The following LRMDA variants were observed in gnomAD, a reference collection of about 807,000 sequenced individuals.
LRMDA encodes leucine rich melanocyte differentiation associated, also known as leucine-rich melanocyte differentiation-associated protein.
In LRMDA, 18 loss-of-function variants were observed where a neutral mutation model predicts 29.8. The ratio of observed to expected loss-of-function variants is 0.60; its 90% CI spans 0.42 to 0.90. LRMDA has a LOEUF of 0.90. Ranked by LOEUF, LRMDA falls within the 40% of genes least tolerant of loss-of-function variation. The pLI is 0.00. For missense variants in LRMDA, 273 were observed against 273.9 expected (o/e 1.00, Z 0.02); for synonymous variants, 125 against 109.4 (o/e 1.14, Z -0.89).
intron 5 of LRMDA, among the ~76,000 whole-genome samples, chr10:76,172,680 C>T (rs1352730435): frequency 6.6e-6 from 1 of 152,126 alleles, no homozygotes; most frequent in Non-Finnish European, 1.5e-5. Flanking sequence ...AGTGCTGTTG[C>T]CACCAGCTGG....
At chr10:76,303,881 G>A (rs747648503) in intron 5 of LRMDA, among the ~76,000 whole-genome samples, 20 of 152,020 alleles carry the variant, frequency 1.3e-4, no homozygotes, top group Non-Finnish European at 2.4e-4. Context: ...TCTGCAGCTC[G>A]GGAGACACTC....
intron 2 of LRMDA, among the ~76,000 whole-genome samples, chr10:75,726,184 G>C (rs1038500613): frequency 2.0e-5 from 3 of 152,172 alleles, no homozygotes; most frequent in African/African-American, 7.2e-5. Flanking sequence ...CTGTTAACTG[G>C]GGAGACACAT....
intron 2 of LRMDA, among the ~76,000 whole-genome samples, chr10:75,448,708 A>G (rs1844422009): frequency 6.6e-6 from 1 of 152,222 alleles, no homozygotes; most frequent in Non-Finnish European, 1.5e-5. Flanking sequence ...CTGTTGAGAA[A>G]GACCTCTGGG....
intron 6 of LRMDA, among the ~76,000 whole-genome samples, chr10:76,491,145 T>A (rs1842830373): frequency 6.6e-6 from 1 of 151,968 alleles, no homozygotes; most frequent in Non-Finnish European, 1.5e-5. Flanking sequence ...CTTGAAAAGT[T>A]GTTGTAGTTA....
chr10:76,138,434 A>T (rs1174670998), intron 5 of LRMDA, among the ~76,000 whole-genome samples: 1 of 152,042 alleles, frequency 6.6e-6, no homozygotes, highest in Admixed American at 6.5e-5. Flanking sequence ...CTTCACTATA[A>T]ATAAACCTAC....
chr10:76,427,668 C>A (rs1286374327), intron 6 of LRMDA, among the ~76,000 whole-genome samples: 2 of 152,170 alleles, frequency 1.3e-5, no homozygotes, highest in African/African-American at 4.8e-5. Context: ...GAGAGGGCAT[C>A]CCTGTCTTGT....
intron 2 of LRMDA, among the ~76,000 whole-genome samples, chr10:75,534,395 C>T (rs1839918124): frequency 6.6e-6 from 1 of 152,000 alleles, no homozygotes; most frequent in African/African-American, 2.4e-5. Context: ...AAAATGCTAC[C>T]ATTGAATTGG....
rs185923881 is a variant in LRMDA at position 76,084,689 on chromosome 10, A to G, written c.516+25906A>G. The stretch of plus-strand genomic sequence containing the variant: ...AGGTTAAAAATGATATATGTAAAGT[A>G]TCTGGCACTTAGTAGTAGGTTAGTA... On this transcript the variant is annotated intron_variant, in intron 5 of 6. Transcript: ENST00000611255. Among the ~76,000 whole-genome samples, 321 of 152,304 alleles carry G rather than the reference A, an allele frequency of 2.1e-3. 2 individuals carry two copies. The highest frequency in any genetic ancestry group is 7.1e-3 in the African/African-American group (297 of 41,564).
At chr10:76,374,738 A>G (rs971623958) in intron 6 of LRMDA, among the ~76,000 whole-genome samples, 2 of 152,146 alleles carry the variant, frequency 1.3e-5, no homozygotes, top group East Asian at 3.8e-4. Context: ...CAGCAGGGGA[A>G]GTTTTGGGTA....
chr10:76,322,526 C>G (rs889351371), intron 5 of LRMDA, among the ~76,000 whole-genome samples: 12 of 152,124 alleles, frequency 7.9e-5, no homozygotes, highest in Admixed American at 3.3e-4. Flanking sequence ...ATTTTTTGCT[C>G]TACCTACAGT....
intron 5 of LRMDA, among the ~76,000 whole-genome samples, chr10:76,257,716 T>C (rs889763826): frequency 1.3e-5 from 2 of 152,218 alleles, no homozygotes; most frequent in Non-Finnish European, 2.9e-5. Context: ...TTTAATACTT[T>C]ATCAATTTCC....
intron 5 of LRMDA, among the ~76,000 whole-genome samples, chr10:76,144,316 A>G (rs1214398493): frequency 1.3e-5 from 2 of 152,132 alleles, no homozygotes; most frequent in Non-Finnish European, 2.9e-5. Context: ...GATTTTTCCT[A>G]TCCATGAGCT....
At chr10:76,469,344 CAG>C (rs1039263840) in intron 6 of LRMDA, among the ~76,000 whole-genome samples, 1 of 152,126 alleles carries the variant, frequency 6.6e-6, no homozygotes, top group Non-Finnish European at 1.5e-5. Context: ...GCCAAGAAGT[CAG>C]AGACTACTGT....
intron 2 of LRMDA, among the ~76,000 whole-genome samples, chr10:76,028,708 C>G (rs1052197361): frequency 6.6e-6 from 1 of 152,022 alleles, no homozygotes; most frequent in Non-Finnish European, 1.5e-5. Flanking sequence ...CAGTATTCTT[C>G]AGGTACATTT....
At chr10:75,466,567 C>T (rs181413696) in intron 2 of LRMDA, among the ~76,000 whole-genome samples, 1 of 152,260 alleles carries the variant, frequency 6.6e-6, no homozygotes, top group Admixed American at 6.5e-5. Flanking sequence ...GAAGCCATCT[C>T]GAGCTACCCT....
intron 6 of LRMDA, among the ~76,000 whole-genome samples, chr10:76,451,257 A>G (rs1842403299): frequency 6.6e-6 from 1 of 151,430 alleles, no homozygotes; most frequent in South Asian, 2.1e-4. Context: ...GCTGGAGTGC[A>G]GTGGTGTGAT....
rs1564538251 is a variant in LRMDA, at chr10:76,426,963, GTC to G, written c.601+102482_601+102483del. Among the ~76,000 whole-genome samples, 4 of 152,066 alleles carry G rather than the reference GTC, an allele frequency of 2.6e-5. No homozygotes were observed. The South Asian group carries it at 8.3e-4, about 32-fold the overall frequency. ...GCTGTGTTCTGTTCCATTGGTCTGT[GTC>G]TCTGTTTTGGTACCAGTACCATGCT... On this transcript the variant is annotated intron_variant, in intron 6 of 6. Coordinates refer to ENST00000611255, the MANE Select transcript of LRMDA (RefSeq NM_001305581.2).
intron 2 of LRMDA, among the ~76,000 whole-genome samples, chr10:75,985,519 T>C (rs774681630): frequency 1.3e-5 from 2 of 152,180 alleles, no homozygotes; most frequent in African/African-American, 2.4e-5. Flanking sequence ...CCACAAGGCT[T>C]TCATATTCTC....
intron 2 of LRMDA, among the ~76,000 whole-genome samples, chr10:75,837,172 A>G (rs1018853995): frequency 6.6e-6 from 1 of 152,164 alleles, no homozygotes; most frequent in Non-Finnish European, 1.5e-5. Flanking sequence ...TGAAACTCTA[A>G]GCCTTAGTAA....
Sources: gnomAD v4.1 joint callset for allele counts (sites outside exome capture counted in the v4.1 genomes callset) on GRCh38, gnomAD v4.1.1 for gene constraint, MANE v1.5 for transcripts, NCBI Gene and HGNC (gene_info 2026-07-23, HGNC 2026-07-21) for gene names.